UPP2: variants seen among roughly 807,000 people sequenced by gnomAD.
The protein encoded by UPP2 is uridine phosphorylase 2, also known as UPase 2.
In UPP2, 23 loss-of-function variants were observed where a neutral mutation model predicts 26.7. That is an observed-to-expected ratio of 0.86 (90% confidence interval 0.62 to 1.22). The LOEUF (loss-of-function observed/expected upper bound fraction) is 1.22. Among genes scored for constraint, UPP2 ranks in the 50% most tolerant of loss-of-function variants. UPP2 has a pLI of 0.00. For missense variants in UPP2, 387 were observed against 396.7 expected (o/e 0.98, Z 0.21); for synonymous variants, 127 against 141.3 (o/e 0.90, Z 0.72).
chr2:158,061,381 A>G (rs888718434), intron 3 of UPP2, among the ~76,000 whole-genome samples: 7 of 152,176 alleles, frequency 4.6e-5, no homozygotes, highest in African/African-American at 1.4e-4. Context: ...GGGGCTGTAG[A>G]GATGAATTAG....
rs2105211521 is a variant in UPP2 at position 158,103,206 on chromosome 2, A to G, written c.62+1081A>G. Among the ~76,000 whole-genome samples the G allele has an allele frequency of 2.0e-5, 3 of 152,324 alleles. No homozygotes were observed. The South Asian group carries it at 6.2e-4, about 32-fold the overall frequency. ...ATCATCTTAGAAGTGCTTCTGGATGAGCCCAATGAAACAAGAAACTTCTAT... is the reference window on the plus strand; with the variant it reads ...ATCATCTTAGAAGTGCTTCTGGATGGGCCCAATGAAACAAGAAACTTCTAT... On this transcript the variant is annotated intron_variant, in intron 1 of 6. Coordinates refer to ENST00000005756, the MANE Select transcript of UPP2 (RefSeq NM_173355.4).
intron 3 of UPP2, among the ~76,000 whole-genome samples, chr2:158,020,680 C>T (rs1458692677): frequency 6.6e-6 from 1 of 152,184 alleles, no homozygotes; most frequent in African/African-American, 2.4e-5. Context: ...ACAGGGCATG[C>T]ACCAGCATTG....
chr2:158,104,048 A>C (rs1158092), intron 1 of UPP2, among the ~76,000 whole-genome samples: 89,543 of 152,090 alleles, frequency 0.59, 27,134 homozygotes, highest in African/African-American at 0.69. Flanking sequence ...TTTTGTTCCA[A>C]TTTCTGAACA....
rs775378408 is a variant in UPP2, at chr2:158,115,251, G to A, written c.331G>A (p.Ala111Thr). Residue 111 changes from alanine to threonine, a missense_variant, in exon 3 of 7, where the codon GCC becomes ACC. Physicochemically the swap from Ala to Thr is moderately conservative, Grantham distance 58 (BLOSUM62 0). Transcript: ENST00000005756. ...YCMYKTGPVL[A>T]ISHGMGIPSI... ...TATGTACAAAACCGGGCCTGTGCTC[G>A]CCATCAGTGTAAGTATCCATGGTTG... The A allele has an allele frequency of 1.2e-5, 19 of 1,606,926 alleles. No homozygotes were observed. The highest frequency in any genetic ancestry group is 4.5e-5 in the South Asian group (4 of 89,800).
intron 3 of UPP2, among the ~76,000 whole-genome samples, chr2:158,083,441 A>T (rs1302266952): frequency 6.6e-6 from 1 of 152,162 alleles, no homozygotes; most frequent in Non-Finnish European, 1.5e-5. Flanking sequence ...CATTCTCAGC[A>T]AACTAACACA....
At chr2:158,134,205 A>G (rs902733579) in intron 6 of UPP2, among the ~76,000 whole-genome samples, 2 of 152,080 alleles carry the variant, frequency 1.3e-5, no homozygotes, top group Admixed American at 1.3e-4. Context: ...CTCAAATTTC[A>G]TGAGAGCCAG....
Position 158,083,481 on chromosome 2 carries a change from C to CACTCTTAAGTGGGAGTT in UPP2, c.148-18558_148-18542dup, listed in dbSNP as rs539436287. On this transcript the variant is annotated intron_variant, in intron 3 of 9. Transcript: ENST00000605860. ...CAGAAAACCAAACACCGCATGTTTT[C>CACTCTTAAGTGGGAGTT]ACTCTTAAGTGGGAGTTGAACAGTG... Among the ~76,000 whole-genome samples the CACTCTTAAGTGGGAGTT allele has an allele frequency of 9.2e-4, 140 of 152,156 alleles. 4 individuals are homozygous for CACTCTTAAGTGGGAGTT. In the South Asian group the frequency reaches 0.024, roughly 26 times the overall value.
At chr2:158,096,519 A>C (rs1446774046) in intron 3 of UPP2, among the ~76,000 whole-genome samples, 1 of 152,182 alleles carries the variant, frequency 6.6e-6, no homozygotes, top group Admixed American at 6.5e-5. Flanking sequence ...GAATTGCTTG[A>C]GCCTGGGAAG....
intron 2 of UPP2, among the ~76,000 whole-genome samples, chr2:158,108,858 G>C (rs1157197500): frequency 6.6e-6 from 1 of 150,942 alleles, no homozygotes; most frequent in Non-Finnish European, 1.5e-5. Flanking sequence ...TCTACTGATT[G>C]AGCCATTTTG....
Position 158,135,022 on chromosome 2 carries a change from C to T in UPP2, c.*132C>T. 1.8e-6 allele frequency: 2 copies of T among 1,098,822 alleles called. No individual in the cohort carries two copies. Among genetic ancestry groups the T allele is most frequent in the Non-Finnish European group, 2.4e-6 (2 of 828,030 alleles). 68.1% of individuals were successfully genotyped at this position (1,098,822 alleles called of 1,614,324 possible). A position where few individuals can be genotyped will look rare whatever the true frequency, so the allele number is the denominator to read the frequency against. ...GCTAAATGGAAAGACTTTATGAAAT[C>T]CTTCTCTCTTAAAAAGGAATTTATT... On this transcript the variant is annotated 3_prime_UTR_variant, in exon 7 of 7. Transcript: ENST00000005756.
chr2:158,022,895 A>G (rs911969291), intron 3 of UPP2, among the ~76,000 whole-genome samples: 1 of 152,216 alleles, frequency 6.6e-6, no homozygotes, highest in African/African-American at 2.4e-5. Context: ...GGATACAGGC[A>G]TAAAAGCAGA....
Position 158,123,859 on chromosome 2 carries a change from G to GT in UPP2, c.776dup (p.Phe260ValfsTer26). On this transcript the variant is annotated frameshift_variant, in exon 6 of 7. Coordinates refer to ENST00000005756, the MANE Select transcript of UPP2 (RefSeq NM_173355.4). LOFTEE classifies it low-confidence loss of function (END_TRUNC). ...CAGGAATATTGAAATGGAATCTACA[G>GT]TGTTTGCAGCTATGTGTGGACTCTG... 1 of 1,614,094 alleles carries GT rather than the reference G, an allele frequency of 6.2e-7. No individual in the cohort carries two copies. The highest frequency in any genetic ancestry group is 8.5e-7 in the Non-Finnish European group (1 of 1,179,936).
At chr2:157,997,811 G>T (rs559757285) in intron 2 of UPP2, among the ~76,000 whole-genome samples, 1 of 152,134 alleles carries the variant, frequency 6.6e-6, no homozygotes, top group Non-Finnish European at 1.5e-5. Context: ...TTTGAAAGGG[G>T]ATGTTCATTT....
At chr2:157,998,359 A>G (rs1221021332) in intron 2 of UPP2, among the ~76,000 whole-genome samples, 1 of 152,216 alleles carries the variant, frequency 6.6e-6, no homozygotes, top group African/African-American at 2.4e-5. Context: ...GAAATACTTT[A>G]GTGCAGGGCA....
At chr2:158,070,451 A>C (rs1056997280) in intron 3 of UPP2, among the ~76,000 whole-genome samples, 5 of 152,270 alleles carry the variant, frequency 3.3e-5, no homozygotes. Context: ...AACTGAGAAC[A>C]AGAAAAGCTG....
At chr2:158,090,184 T>C (rs1306669492) in intron 3 of UPP2, among the ~76,000 whole-genome samples, 1 of 152,180 alleles carries the variant, frequency 6.6e-6, no homozygotes, top group Non-Finnish European at 1.5e-5. Context: ...GGTGTGATTA[T>C]TACACATTGT....
intron 2 of UPP2, among the ~76,000 whole-genome samples, chr2:158,113,107 C>A (rs1481698572): frequency 6.6e-6 from 1 of 152,158 alleles, no homozygotes; most frequent in Non-Finnish European, 1.5e-5. Flanking sequence ...CTTTAAGAAC[C>A]AAGCTGCTTC....
chr2:158,050,921 TA>T (rs1160570777), intron 3 of UPP2, among the ~76,000 whole-genome samples: 1 of 152,078 alleles, frequency 6.6e-6, no homozygotes, highest in East Asian at 1.9e-4. Flanking sequence ...TAAAAGAGTA[TA>T]ATTGGACTGT....
intron 2 of UPP2, among the ~76,000 whole-genome samples, chr2:158,006,800 A>G (rs1683496368): frequency 6.6e-6 from 1 of 152,230 alleles, no homozygotes; most frequent in African/African-American, 2.4e-5. Flanking sequence ...GGCACTTGTC[A>G]GATCTGAAAT....
Sources: allele counts gnomAD v4.1 joint callset (sites outside exome capture counted in the v4.1 genomes callset), GRCh38; gene constraint gnomAD v4.1.1; transcripts MANE v1.5; gene names NCBI Gene and HGNC (gene_info 2026-07-23, HGNC 2026-07-21).